The following NLRP5 variants were observed in gnomAD, a reference collection of about 807,000 sequenced individuals.
The protein encoded by NLRP5 is NLR family pyrin domain containing 5, also known as NACHT, LRR and PYD domains-containing protein 5.
Under a neutral mutation model 113.1 loss-of-function variants are expected in NLRP5, and 93 were observed. The observed-to-expected ratio is 0.82, with a 90% CI of 0.70 to 0.98. The LOEUF (loss-of-function observed/expected upper bound fraction) is 0.98. Ranked by LOEUF, NLRP5 falls within the 50% of genes least tolerant of loss-of-function variation. The probability of loss-of-function intolerance (pLI) is 0.00; values close to 1 mark genes in which losing one functional copy is unlikely to be tolerated. For missense variants in NLRP5, 1,808 were observed against 1,514.3 expected (o/e 1.19, Z -3.22); for synonymous variants, 751 against 600.7 (o/e 1.25, Z -3.66).
In NLRP5 at chr19:56,004,565, C is replaced by T. The variant is rs544801473; in HGVS notation, c.442+470C>T. On this transcript the variant is annotated intron_variant, in intron 2 of 14. Transcript: ENST00000390649. ...ATTGGTAGTGGTTTGGTGCGAGTCT[C>T]GTGCTTGGCCGTGGGATGAAGGACT... is the stretch of plus-strand genomic sequence containing the variant. Among the ~76,000 whole-genome samples, 174 of 152,220 alleles carry T rather than the reference C, an allele frequency of 1.1e-3. 1 individual carries two copies. Among genetic ancestry groups the T allele is most frequent in the African/African-American group, 3.9e-3 (160 of 41,544 alleles).
In NLRP5 at chr19:56,003,807, A is replaced by T; in HGVS notation, c.154A>T (p.Met52Leu). The T allele has an allele frequency of 6.2e-7, 1 of 1,613,992 alleles. No individual in the cohort carries two copies. Among genetic ancestry groups the T allele is most frequent in the Non-Finnish European group, 8.5e-7 (1 of 1,179,890 alleles). Residue 52 changes from methionine (M) to leucine (L), a missense_variant, in exon 2 of 15, where the codon ATG becomes TTG. Transcript: ENST00000390649. ...CCTGAGCTCTCAGCCTTGTATCAAGATGGAAGGAGACAAATCGCTCACCTT... is the reference window on the plus strand; with the variant it reads ...CCTGAGCTCTCAGCCTTGTATCAAGTTGGAAGGAGACAAATCGCTCACCTT...
At chr19:56,010,405 G>C (rs1239980727) in intron 3 of NLRP5, among the ~76,000 whole-genome samples, 1 of 152,094 alleles carries the variant, frequency 6.6e-6, no homozygotes, top group Non-Finnish European at 1.5e-5. Context: ...CATCATAGGG[G>C]ATCACAGGCC....
At chr19:56,008,730 G>C in intron 2 of NLRP5, 58 bp from the exon 3 acceptor site, 1 of 1,455,718 alleles carries the variant, frequency 6.9e-7, no homozygotes, top group Non-Finnish European at 9.5e-7. Flanking sequence ...CTTATCCTTG[G>C]CTTGGGTAAT....
intron 13 of NLRP5, 112 bp downstream of exon 13, chr19:56,053,920 G>A (rs1253446098): frequency 1.1e-6 from 1 of 932,620 alleles, no homozygotes; most frequent in Admixed American, 2.2e-5. Context: ...AGTCCCTCAA[G>A]TTAGATGGAG....
At chr19:56,012,201 T>A (rs941100695) in intron 3 of NLRP5, among the ~76,000 whole-genome samples, 1 of 151,948 alleles carries the variant, frequency 6.6e-6, no homozygotes, top group Non-Finnish European at 1.5e-5. Flanking sequence ...CAGGCTGGAG[T>A]GCAGTGGTGC....
At chr19:55,994,193 G>A in the NLRP5 span, among the ~76,000 whole-genome samples, 2 of 152,256 alleles carry the variant, frequency 1.3e-5, no homozygotes, top group Non-Finnish European at 2.9e-5. Context: ...AAACCACAGT[G>A]AGATTGCGAT....
At chr19:56,000,367 T>G (rs915195606) in intron 1 of NLRP5, among the ~76,000 whole-genome samples, 6 of 152,024 alleles carry the variant, frequency 3.9e-5, no homozygotes, top group Non-Finnish European at 7.4e-5. Context: ...TCATGTTTTT[T>G]TTTGTTTGTT....
upstream of NLRP5, among the ~76,000 whole-genome samples, chr19:55,997,796 G>GC (rs1040550420): frequency 3.4e-4 from 51 of 151,932 alleles, no homozygotes; most frequent in African/African-American, 1.2e-3. Context: ...CCAGAAGGCA[G>GC]CAGTTGCAGT....
At chr19:55,999,212 C>CTTTTT (rs906346601), upstream of NLRP5, among the ~76,000 whole-genome samples, 315 of 111,696 alleles carry the variant, frequency 2.8e-3, 6 homozygotes, top group African/African-American at 9.8e-3. Flanking sequence ...TTTTCTTTTT[C>CTTTTT]TTTTTTTTTT....
chr19:56,058,139 G>T, intron 13 of NLRP5, 101 bp from the exon 14 acceptor site: 1 of 923,812 alleles, frequency 1.1e-6, no homozygotes, highest in Non-Finnish European at 1.6e-6. Context: ...GTTTTGTTTT[G>T]TTTTCCCAAA....
At chr19:56,009,748 C>T (rs1455157332) in intron 3 of NLRP5, among the ~76,000 whole-genome samples, 8 of 152,144 alleles carry the variant, frequency 5.3e-5, no homozygotes, top group African/African-American at 1.9e-4. Context: ...TTGCTCAGCT[C>T]CCAGCAGCCA....
chr19:55,988,074 G>A, the NLRP5 span: 3 of 609,090 alleles, frequency 4.9e-6, no homozygotes, highest in Non-Finnish European at 6.0e-6. Context: ...CTGGAGTGAG[G>A]ACGGTGATGC....
chr19:56,043,228 G>A (rs1983584889), intron 11 of NLRP5, among the ~76,000 whole-genome samples: 1 of 152,180 alleles, frequency 6.6e-6, no homozygotes, highest in Admixed American at 6.5e-5. Context: ...CACCAGCAGA[G>A]TGGATGCGTT....
rs775875299 is a variant in NLRP5, at chr19:56,003,838, G to C, written c.185G>C (p.Ser62Thr). 1 of 1,613,954 alleles carries C rather than the reference G, an allele frequency of 6.2e-7. No homozygotes were observed. Among genetic ancestry groups the C allele is most frequent in the Admixed American group, 1.7e-5 (1 of 59,994 alleles). The change falls in exon 2 of 15, where the codon AGC (serine) becomes ACC (threonine). Residue 62 changes from serine to threonine, a missense_variant. Transcript: ENST00000390649. ...GGAGACAAATCGCTCACCTTTTCCA[G>C]CTACGGGCTGCAATGGTGTCTCTAT... is the stretch of plus-strand genomic sequence containing the variant.
At chr19:56,006,347 C>T (rs1205353769) in intron 2 of NLRP5, among the ~76,000 whole-genome samples, 1 of 152,064 alleles carries the variant, frequency 6.6e-6, no homozygotes, top group Non-Finnish European at 1.5e-5. Flanking sequence ...ATGGGTGCAG[C>T]ACACCAACAT....
Position 56,003,803 on chromosome 19 carries a change from C to A in NLRP5, c.150C>A (p.Ile50=). ...AAAACCTGAGCTCTCAGCCTTGTAT[C>A]AAGATGGAAGGAGACAAATCGCTCA... The change falls in exon 2 of 15, where the codon ATC becomes ATA. Residue 50 remains isoleucine, a synonymous_variant. Coordinates refer to ENST00000390649, the MANE Select transcript of NLRP5 (RefSeq NM_153447.4). 3.1e-6 allele frequency: 5 copies of A among 1,613,936 alleles called. No homozygotes were observed. The highest frequency in any genetic ancestry group is 4.2e-6 in the Non-Finnish European group (5 of 1,179,886).
intron 11 of NLRP5, 147 bp downstream of exon 11, chr19:56,041,239 A>G (rs1983511978): frequency 2.6e-6 from 2 of 766,550 alleles, no homozygotes; most frequent in Admixed American, 5.0e-5. Flanking sequence ...CATGTCTCCT[A>G]GGTTTCATCC....
intron 1 of NLRP5, chr19:55,999,927 T>G: frequency 1.5e-6 from 1 of 686,872 alleles, no homozygotes; most frequent in Non-Finnish European, 2.6e-6. Context: ...CTCCCCGGGG[T>G]AGAAAGAAAG....
intron 9 of NLRP5, among the ~76,000 whole-genome samples, chr19:56,036,940 G>C (rs1983339454): frequency 6.6e-6 from 1 of 152,094 alleles, no homozygotes; most frequent in African/African-American, 2.4e-5. Context: ...CTGGGTGACA[G>C]AGTGAGACTG....
Sources: allele counts gnomAD v4.1 joint callset (sites outside exome capture counted in the v4.1 genomes callset), GRCh38; gene constraint gnomAD v4.1.1; transcripts MANE v1.5; gene names NCBI Gene and HGNC (gene_info 2026-07-23, HGNC 2026-07-21).